SYNE2: variants seen among roughly 807,000 people sequenced by gnomAD.
SYNE2 encodes spectrin repeat containing nuclear envelope protein 2.
SYNE2 carries 431 observed loss-of-function variants against 856.3 expected under a neutral mutation model. The ratio of observed to expected loss-of-function variants is 0.50; its 90% CI spans 0.47 to 0.55. The LOEUF is 0.55. Ranked by LOEUF, SYNE2 falls within the 20% of genes least tolerant of loss-of-function variation. The probability of loss-of-function intolerance (pLI) is 0.00; values close to 1 mark genes in which losing one functional copy is unlikely to be tolerated. For missense variants in SYNE2, 8,129 were observed against 8,023.2 expected, an observed-to-expected ratio of 1.01 and a Z score of -0.50; for synonymous variants, 2,923 against 2,872.3, an observed-to-expected ratio of 1.02 and a Z score of -0.56.
chr14:63,781,968 C>A (rs1323527336), intron 1 of SYNE2, among the ~76,000 whole-genome samples: 1 of 151,658 alleles, frequency 6.6e-6, no homozygotes, highest in Non-Finnish European at 1.5e-5. Flanking sequence ...CAGAGCGAGA[C>A]CCTGTCTAAG....
chr14:64,128,883 G>A (rs1209890744), intron 74 of SYNE2, among the ~76,000 whole-genome samples: 1 of 152,176 alleles, frequency 6.6e-6, no homozygotes, highest in Non-Finnish European at 1.5e-5. Flanking sequence ...TTTTAAACAT[G>A]AATACTCTCT....
intron 32 of SYNE2, 150 bp downstream of exon 32, chr14:64,010,266 G>T (rs2096833438): frequency 1.1e-6 from 1 of 872,654 alleles, no homozygotes; most frequent in Non-Finnish European, 1.8e-6. Context: ...AAAATTTGTT[G>T]TATTCATCAC....
intron 94 of SYNE2, among the ~76,000 whole-genome samples, chr14:64,172,711 C>A (rs2098416725): frequency 6.6e-6 from 1 of 152,030 alleles, no homozygotes; most frequent in Non-Finnish European, 1.5e-5. Flanking sequence ...GTGGGAGGAT[C>A]CCTTGAGCCC....
intron 57 of SYNE2, among the ~76,000 whole-genome samples, chr14:64,086,639 C>G (rs928963896): frequency 4.0e-5 from 6 of 148,922 alleles, no homozygotes; most frequent in African/African-American, 1.2e-4. Context: ...CATGGTATAT[C>G]TCTTTATTTC....
chr14:63,799,651 C>T (rs1306182352), intron 1 of SYNE2, among the ~76,000 whole-genome samples: 3 of 152,066 alleles, frequency 2.0e-5, no homozygotes, highest in Non-Finnish European at 4.4e-5. Context: ...TGGCAGTGAG[C>T]CACTGCACTC....
intron 57 of SYNE2, chr14:64,084,746 A>G: frequency 2.0e-6 from 1 of 504,014 alleles, no homozygotes; most frequent in Non-Finnish European, 3.6e-6. Flanking sequence ...AGCTTGAAAC[A>G]ACAAACTTAT....
chr14:64,172,860 G>A lies in SYNE2; in HGVS notation c.17236-2084G>A, dbSNP rs183847122. Among the ~76,000 whole-genome samples the A allele has an allele frequency of 1.8e-3, 270 of 152,066 alleles. 1 individual carries two copies. The highest frequency in any genetic ancestry group is 0.012 in the South Asian group (59 of 4,806). ...AGGCAGGAGGGTCACACTTGAGCCC[G>A]GGAGGTTGAGGCTGCAACGAGCCAT... is the stretch of plus-strand genomic sequence containing the variant. On this transcript the variant is annotated intron_variant, in intron 94 of 115. Transcript: ENST00000555002.
intron 95 of SYNE2, 128 bp from the exon 96 acceptor site, chr14:64,177,230 G>C: frequency 8.6e-7 from 1 of 1,159,248 alleles, no homozygotes. Flanking sequence ...ACAGGGAACT[G>C]GGTGTCTGTG....
rs1383769907 is a variant in SYNE2, at chr14:64,062,990, G to A, written c.10212+95G>A. 2.7e-5 allele frequency: 38 copies of A among 1,413,572 alleles called. No homozygotes were observed. The East Asian group carries it at 4.1e-4, about 15-fold the overall frequency. 87.6% of individuals were successfully genotyped at this position (1,413,572 alleles called of 1,614,324 possible). On this transcript the variant is annotated intron_variant, in intron 50 of 115. Coordinates refer to ENST00000555002, the MANE Select transcript of SYNE2 (RefSeq NM_182914.3). ...AGAGAATGTGGTCCTGTTAAGACGCGTAGAAATCTTCACAGTGAGTTAAAT... is the reference window on the plus strand; with the variant it reads ...AGAGAATGTGGTCCTGTTAAGACGCATAGAAATCTTCACAGTGAGTTAAAT...
intron 32 of SYNE2, among the ~76,000 whole-genome samples, chr14:64,010,835 C>T (rs1412373017): frequency 3.3e-5 from 5 of 152,126 alleles, no homozygotes; most frequent in African/African-American, 9.7e-5. Context: ...GACAGGGTTT[C>T]GCCGTGTTGG....
rs550797042 is a variant in SYNE2, at chr14:64,222,811, G to C, written c.20191-378G>C. 5.2e-4 allele frequency among the ~76,000 whole-genome samples: 79 copies of C among 152,156 alleles called. 2 individuals are homozygous for C. Among genetic ancestry groups the C allele is most frequent in the Non-Finnish European group, 8.2e-4 (56 of 68,022 alleles). Reference sequence around the variant, plus strand: ...CACCCTTAACAATTAAAGCCCGTTTGCCTGGTATGAACCTCTATGGTTACG... The same window carrying C: ...CACCCTTAACAATTAAAGCCCGTTTCCCTGGTATGAACCTCTATGGTTACG... On this transcript the variant is annotated intron_variant, in intron 112 of 115. Transcript: ENST00000555002.
chr14:64,078,858 G>A (rs1184260457), intron 55 of SYNE2, among the ~76,000 whole-genome samples: 1 of 152,212 alleles, frequency 6.6e-6, no homozygotes, highest in Non-Finnish European at 1.5e-5. Flanking sequence ...GATCACTTGA[G>A]CCTAGGAGTT....
Position 64,177,384 on chromosome 14 carries a change from C to G in SYNE2, c.17457C>G (p.Ile5819Met), listed in dbSNP as rs1371040436. 2 of 1,614,082 alleles carry G rather than the reference C, an allele frequency of 1.2e-6. No individual in the cohort carries two copies. Among genetic ancestry groups the G allele is most frequent in the Non-Finnish European group, 1.7e-6 (2 of 1,180,008 alleles). The change falls in exon 96 of 116, where the codon ATC becomes ATG. Residue 5819 changes from isoleucine to methionine, a missense_variant. This residue lies in a region of SYNE2 where 5,410 missense variants were observed against 5,284.8 expected (regional missense o/e 1.02). Coordinates refer to ENST00000555002, the MANE Select transcript of SYNE2 (RefSeq NM_182914.3). ...CCTGGGACCAGTGTGAAAAGAAAAT[C>G]AAGGAGTTGAAAAGCAGGCTGCAAG... The part of the protein sequence containing the change: ...VETWDQCEKK[I>M]KELKSRLQVL...
At chr14:64,088,928 C>T (rs1319958321) in intron 58 of SYNE2, among the ~76,000 whole-genome samples, 1 of 152,060 alleles carries the variant, frequency 6.6e-6, no homozygotes, top group Non-Finnish European at 1.5e-5. Flanking sequence ...TGAAAATTAC[C>T]CTAAAATACA....
intron 51 of SYNE2, 92 bp from the exon 52 acceptor site, chr14:64,070,553 A>T: frequency 9.1e-7 from 1 of 1,093,052 alleles, no homozygotes. Context: ...GAACCCTTTG[A>T]AGAGAGAGCA....
chr14:63,995,158 C>T lies in SYNE2; in HGVS notation c.2896C>T (p.Leu966Phe). 6.2e-7 allele frequency: 1 copy of T among 1,605,898 alleles called. No individual in the cohort carries two copies. Among genetic ancestry groups the T allele is most frequent in the Non-Finnish European group, 8.5e-7 (1 of 1,176,138 alleles). The change falls in exon 23 of 116, where the codon CTT becomes TTT. Residue 966 changes from leucine (L) to phenylalanine (F), a missense_variant. Leu to Phe is a conservative substitution (Grantham distance 22, BLOSUM62 0). Transcript: ENST00000555002. Reference protein sequence around the residue: ...LEKQINKEKKLIRRGRTKGLI... With the variant: ...LEKQINKEKKFIRRGRTKGLI... ...AAAGCAAATAAATAAAGAAAAGAAA[C>T]TTATCCGTAGAGGAAGGACCAAGGG...
At position 63,981,038 on chromosome 14, in the gene SYNE2, T is replaced by G. The variant is rs754118379; in HGVS notation, c.1701T>G (p.Val567=). The change falls in exon 16 of 116, where the codon GTT becomes GTG. Residue 567 remains valine, a synonymous_variant. Coordinates refer to ENST00000555002, the MANE Select transcript of SYNE2 (RefSeq NM_182914.3). ...AGTATATGATGGTGAAATCTGATGT[T>G]TGTATGTATAGAAAAAATATATATA... is the stretch of plus-strand genomic sequence containing the variant. ...NKQYMMVKSD[V]CMYRKNIYNV... The G allele has an allele frequency of 3.2e-6, 5 of 1,579,608 alleles. No individual in the cohort carries two copies. The highest frequency in any genetic ancestry group is 4.3e-6 in the Non-Finnish European group (5 of 1,149,444).
At chr14:64,089,977 T>C (rs2097595402) in intron 59 of SYNE2, among the ~76,000 whole-genome samples, 1 of 152,254 alleles carries the variant, frequency 6.6e-6, no homozygotes, top group African/African-American at 2.4e-5. Flanking sequence ...CCAGCTAGAC[T>C]GCTCACTGGC....
Position 63,826,673 on chromosome 14 carries a change from T to C in SYNE2, c.-304-25828T>C, listed in dbSNP as rs182919088. Among the ~76,000 whole-genome samples, 9 of 152,160 alleles carry C rather than the reference T, an allele frequency of 5.9e-5. No individual in the cohort carries two copies. In the East Asian group the frequency reaches 1.7e-3, roughly 29 times the overall value. ...TGCGCAAGAATGACACCTACAAACA[T>C]GAAATTGAATCTCACACCACTTACA... On this transcript the variant is annotated intron_variant, in intron 1 of 23. Transcript: ENST00000674003.
Sources: allele counts gnomAD v4.1 joint callset (sites outside exome capture counted in the v4.1 genomes callset), GRCh38; gene constraint gnomAD v4.1.1; regional missense constraint gnomAD v4.1.1; transcripts MANE v1.5; gene names NCBI Gene and HGNC (gene_info 2026-07-23, HGNC 2026-07-21).